HPSE2: variants seen among roughly 807,000 people sequenced by gnomAD.
The protein encoded by HPSE2 is heparanase 2 (inactive).
HPSE2 carries 38 observed loss-of-function variants against 60.5 expected under a neutral mutation model. The ratio of observed to expected loss-of-function variants is 0.63; its 90% CI spans 0.48 to 0.82. The LOEUF (loss-of-function observed/expected upper bound fraction) is 0.82. Among genes scored for constraint, HPSE2 ranks in the 40% least tolerant of loss-of-function variants. The pLI is 0.00. For missense variants in HPSE2, 713 were observed against 740.4 expected (o/e 0.96, Z 0.43); for synonymous variants, 295 against 293.2 (o/e 1.01, Z -0.06).
chr10:98,560,837 C>T (rs1259983650), intron 9 of HPSE2, among the ~76,000 whole-genome samples: 1 of 148,024 alleles, frequency 6.8e-6, no homozygotes, highest in Non-Finnish European at 1.5e-5. Context: ...TTGTGGTAAT[C>T]ATGGTAAAAA....
intron 6 of HPSE2, among the ~76,000 whole-genome samples, chr10:98,663,767 C>G (rs1462858746): frequency 6.6e-6 from 1 of 152,158 alleles, no homozygotes; most frequent in African/African-American, 2.4e-5. Flanking sequence ...AGGTACCACT[C>G]AAGACCACGG....
chr10:98,837,321 T>G (rs1005167695), intron 3 of HPSE2, among the ~76,000 whole-genome samples: 35 of 152,170 alleles, frequency 2.3e-4, no homozygotes, highest in African/African-American at 2.9e-4. Context: ...GGCAGTAAAC[T>G]AATTAGAATG....
At chr10:99,092,497 C>A (rs756648190) in intron 3 of HPSE2, among the ~76,000 whole-genome samples, 1 of 152,108 alleles carries the variant, frequency 6.6e-6, no homozygotes, top group Non-Finnish European at 1.5e-5. Context: ...AGAAATTTCA[C>A]AGAGAAGAAT....
intron 6 of HPSE2, among the ~76,000 whole-genome samples, chr10:98,681,617 G>A (rs1290396356): frequency 6.6e-6 from 1 of 152,154 alleles, no homozygotes; most frequent in African/African-American, 2.4e-5. Flanking sequence ...ACAATTACCT[G>A]AAAAGGATAT....
chr10:98,781,499 ATAAACGAAGTGC>A (rs1950468594), intron 3 of HPSE2, among the ~76,000 whole-genome samples: 3 of 152,216 alleles, frequency 2.0e-5, no homozygotes, highest in Admixed American at 2.0e-4. Flanking sequence ...TATCGTTAAC[ATAAACGAAGTGC>A]TAACCAGAAA....
chr10:98,490,233 A>C, intron 9 of HPSE2, 37 bp from the exon 10 acceptor site: 8 of 1,606,694 alleles, frequency 5.0e-6, no homozygotes, highest in Non-Finnish European at 6.8e-6. Context: ...CAGCGAGAGA[A>C]CACATGCTCA....
chr10:98,814,718 G>A (rs1951245179), intron 3 of HPSE2, among the ~76,000 whole-genome samples: 1 of 152,208 alleles, frequency 6.6e-6, no homozygotes, highest in Admixed American at 6.5e-5. Flanking sequence ...AGGGTAAGAA[G>A]CAGCAGAGTT....
At chr10:99,055,544 A>C (rs561215126) in intron 3 of HPSE2, among the ~76,000 whole-genome samples, 2 of 152,280 alleles carry the variant, frequency 1.3e-5, no homozygotes, top group South Asian at 4.1e-4. Flanking sequence ...ATATTGGAAA[A>C]AATAACGGCC....
At chr10:99,041,023 C>G (rs1957727016) in intron 3 of HPSE2, among the ~76,000 whole-genome samples, 1 of 150,970 alleles carries the variant, frequency 6.6e-6, no homozygotes, top group South Asian at 2.1e-4. Context: ...GGAGGCGGAG[C>G]TTGTAGTGAG....
intron 3 of HPSE2, among the ~76,000 whole-genome samples, chr10:98,882,652 G>A (rs1953056112): frequency 6.6e-6 from 1 of 151,978 alleles, no homozygotes; most frequent in Non-Finnish European, 1.5e-5. Flanking sequence ...CAAGTCATTT[G>A]GCTAAACCCA....
chr10:98,922,981 T>C (rs1472387595), intron 3 of HPSE2, among the ~76,000 whole-genome samples: 1 of 152,228 alleles, frequency 6.6e-6, no homozygotes, highest in Non-Finnish European at 1.5e-5. Flanking sequence ...GTGCTTACTA[T>C]GGTAATAATG....
intron 7 of HPSE2, among the ~76,000 whole-genome samples, chr10:98,625,647 C>G (rs1003963683): frequency 4.6e-5 from 7 of 152,066 alleles, no homozygotes; most frequent in African/African-American, 1.7e-4. Flanking sequence ...AGCAAAAGAA[C>G]GTATAATATA....
intron 8 of HPSE2, among the ~76,000 whole-genome samples, chr10:98,617,592 G>A (rs1309638168): frequency 6.6e-6 from 1 of 152,194 alleles, no homozygotes; most frequent in African/African-American, 2.4e-5. Context: ...TTTAGGAATA[G>A]AATGGTTAAC....
At chr10:98,950,132 G>A (rs903642913) in intron 3 of HPSE2, among the ~76,000 whole-genome samples, 1 of 152,062 alleles carries the variant, frequency 6.6e-6, no homozygotes, top group Admixed American at 6.6e-5. Flanking sequence ...ATGATACAGC[G>A]TGGTAGCTTG....
intron 9 of HPSE2, among the ~76,000 whole-genome samples, chr10:98,505,821 T>C (rs1942181742): frequency 6.6e-6 from 1 of 152,232 alleles, no homozygotes; most frequent in Admixed American, 6.5e-5. Context: ...CCGTGTCCTG[T>C]ATTAAACTCC....
At chr10:98,737,994 T>C (rs554585419) in intron 4 of HPSE2, among the ~76,000 whole-genome samples, 57 of 152,248 alleles carry the variant, frequency 3.7e-4, no homozygotes, top group African/African-American at 1.3e-3. Context: ...TCATATTTCA[T>C]ATGGAAACAA....
At chr10:98,463,171 T>C (rs1416053409) in intron 11 of HPSE2, among the ~76,000 whole-genome samples, 2 of 152,212 alleles carry the variant, frequency 1.3e-5, no homozygotes, top group African/African-American at 4.8e-5. Flanking sequence ...AACCTATCTC[T>C]GTGCCACATT....
chr10:98,518,870 TGCACAATATGA>T (rs1361137632), intron 9 of HPSE2, among the ~76,000 whole-genome samples: 1 of 152,180 alleles, frequency 6.6e-6, no homozygotes, highest in African/African-American at 2.4e-5. Context: ...TGTAAACGCC[TGCACAATATGA>T]GCACATCTGA....
chr10:99,213,726 T>C (rs1249770893), intron 2 of HPSE2, among the ~76,000 whole-genome samples: 3 of 152,106 alleles, frequency 2.0e-5, no homozygotes, highest in Admixed American at 6.6e-5. Flanking sequence ...TGGGGGAGCA[T>C]GGATGTGAAA....
Sources: allele counts gnomAD v4.1 joint callset (sites outside exome capture counted in the v4.1 genomes callset), GRCh38; gene constraint gnomAD v4.1.1; transcripts MANE v1.5; gene names NCBI Gene and HGNC (gene_info 2026-07-23, HGNC 2026-07-21).